SRGAP2: variants seen among roughly 807,000 people sequenced by gnomAD.
SRGAP2 encodes SLIT-ROBO Rho GTPase-activating protein 2.
SRGAP2 carries 15 observed loss-of-function variants against 57.2 expected under a neutral mutation model. The observed-to-expected ratio is 0.26, with a 90% confidence interval of 0.18 to 0.40. SRGAP2 has a LOEUF of 0.40. SRGAP2 is among the 10% of genes least tolerant of loss of function. SRGAP2 has a pLI of 1.00. For missense variants in SRGAP2, 520 were observed against 669.6 expected, an observed-to-expected ratio of 0.78 and a Z score of 2.47; for synonymous variants, 249 against 248.0, an observed-to-expected ratio of 1.00 and a Z score of -0.04.
intron 3 of SRGAP2, among the ~76,000 whole-genome samples, chr1:206,318,915 G>C (rs546964901): frequency 4.0e-5 from 6 of 151,756 alleles, no homozygotes; most frequent in African/African-American, 9.7e-5. Flanking sequence ...ATGAGATTTG[G>C]GGGGGGACAG....
At chr1:206,341,983 G>A (rs1553335318) in intron 3 of SRGAP2, among the ~76,000 whole-genome samples, 1 of 152,080 alleles carries the variant, frequency 6.6e-6, no homozygotes, top group African/African-American at 2.4e-5. Context: ...GGGTGACAGA[G>A]TGAGACTTTG....
chr1:206,445,867 C>T (rs1662709743), intron 17 of SRGAP2, among the ~76,000 whole-genome samples: 2 of 152,190 alleles, frequency 1.3e-5, no homozygotes, highest in African/African-American at 4.8e-5. Flanking sequence ...GCAAGTACCT[C>T]TAGTTTGCAT....
intron 13 of SRGAP2, among the ~76,000 whole-genome samples, chr1:206,424,426 G>A (rs1195163518): frequency 1.3e-5 from 2 of 152,120 alleles, no homozygotes; most frequent in African/African-American, 4.8e-5. Context: ...AGGCCCAGAT[G>A]GGCGGATCAC....
At chr1:206,224,631 C>T (rs1416692946) in intron 2 of SRGAP2, among the ~76,000 whole-genome samples, 2 of 119,412 alleles carry the variant, frequency 1.7e-5, no homozygotes, top group African/African-American at 3.4e-5. Context: ...GTTCCCACAG[C>T]CCCCACCGTG....
At chr1:206,393,010 G>C (rs1244562366) in intron 6 of SRGAP2, 106 bp downstream of exon 6, 2 of 714,680 alleles carry the variant, frequency 2.8e-6, no homozygotes, top group Admixed American at 4.0e-5. Flanking sequence ...AGGAAGCTCT[G>C]GGTTCTTTTA....
intron 2 of SRGAP2, among the ~76,000 whole-genome samples, chr1:206,255,908 T>A (rs1669154393): frequency 6.7e-6 from 1 of 150,332 alleles, no homozygotes; most frequent in South Asian, 2.2e-4. Flanking sequence ...TAATCCCGGA[T>A]CTAGCTGTGC....
At chr1:206,326,568 A>G (rs1488397465) in intron 3 of SRGAP2, among the ~76,000 whole-genome samples, 79 of 150,990 alleles carry the variant, frequency 5.2e-4, no homozygotes, top group African/African-American at 1.8e-3. Context: ...CACCACAATG[A>G]AATAAGAAAA....
intron 11 of SRGAP2, among the ~76,000 whole-genome samples, chr1:206,418,912 G>C (rs1420284279): frequency 2.0e-5 from 3 of 151,642 alleles, no homozygotes; most frequent in South Asian, 2.1e-4. Context: ...GTGTGTGTGT[G>C]TGTGTGTGTG....
At chr1:206,213,662 G>A (rs1329515742) in intron 2 of SRGAP2, among the ~76,000 whole-genome samples, 1 of 152,106 alleles carries the variant, frequency 6.6e-6, no homozygotes, top group East Asian at 1.9e-4. Context: ...GCTTACATCT[G>A]TAATCCCAGC....
At chr1:206,455,965 A>T (rs1198206258) in intron 21 of SRGAP2, 1 of 152,308 alleles carries the variant, frequency 6.6e-6, no homozygotes, top group Admixed American at 6.5e-5. Flanking sequence ...CCAGGCCCTG[A>T]AACCTGGCCC....
chr1:206,356,957 A>G (rs1676487089), intron 4 of SRGAP2, among the ~76,000 whole-genome samples: 1 of 140,672 alleles, frequency 7.1e-6, no homozygotes, highest in Non-Finnish European at 1.5e-5. Context: ...TTCTCCCAGC[A>G]TTTACTCAAT....
intron 11 of SRGAP2, among the ~76,000 whole-genome samples, chr1:206,417,584 A>T (rs576431075): frequency 1.3e-5 from 2 of 148,432 alleles, no homozygotes; most frequent in Non-Finnish European, 3.0e-5. Flanking sequence ...TGCCTGGCTA[A>T]TTTTTTTGTA....
At chr1:206,413,864 G>C (rs985885460) in intron 10 of SRGAP2, among the ~76,000 whole-genome samples, 24 of 152,086 alleles carry the variant, frequency 1.6e-4, no homozygotes, top group Non-Finnish European at 1.0e-4. Context: ...GGACCATCTG[G>C]GTGAACATGG....
rs1237811129 is a variant in SRGAP2 at position 206,290,641 on chromosome 1, CAAAAAAAA to C, written c.68-12624_68-12617del. On this transcript the variant is annotated intron_variant, in intron 2 of 22. Coordinates refer to ENST00000573034, the MANE Select transcript of SRGAP2 (RefSeq NM_015326.5). Reference sequence around the variant, plus strand: ...TGGGCAACAGAGCGAGACTCCATCTCAAAAAAAAAAAAAAAAAAAAAAAGAAGAAGAAA... The same window carrying C: ...TGGGCAACAGAGCGAGACTCCATCTCAAAAAAAAAAAAAAAGAAGAAGAAA... 6.4e-4 allele frequency among the ~76,000 whole-genome samples: 29 copies of C among 45,190 alleles called. 1 individual carries two copies. Among genetic ancestry groups the C allele is most frequent in the Admixed American group, 2.2e-3 (9 of 4,084 alleles). The allele number at this position is 45,190 out of a possible 152,430, so 29.6% of individuals were successfully genotyped here.
chr1:206,318,863 C>T (rs1481692192), intron 3 of SRGAP2, among the ~76,000 whole-genome samples: 5 of 151,560 alleles, frequency 3.3e-5, no homozygotes, highest in Non-Finnish European at 5.9e-5. Flanking sequence ...CCAGTCACTT[C>T]CCACCAGGCC....
chr1:206,252,015 T>TA (rs1172034770), intron 2 of SRGAP2, among the ~76,000 whole-genome samples: 12 of 92,440 alleles, frequency 1.3e-4, no homozygotes, highest in African/African-American at 4.1e-4. Context: ...CTTATATATA[T>TA]TTTTTAATTG....
intron 21 of SRGAP2, 51 bp downstream of exon 21, chr1:206,455,075 G>A (rs368295802): frequency 2.6e-6 from 2 of 779,088 alleles, no homozygotes; most frequent in Non-Finnish European, 4.8e-6. Flanking sequence ...GCAACACCCA[G>A]CCTCACCCTC....
intron 13 of SRGAP2, among the ~76,000 whole-genome samples, chr1:206,425,745 G>C (rs1286358159): frequency 6.6e-6 from 1 of 151,878 alleles, no homozygotes; most frequent in Non-Finnish European, 1.5e-5. Context: ...ATGTTGGCCA[G>C]GCTGGTCTCG....
chr1:206,456,214 G>A (rs113453815), intron 21 of SRGAP2: 55 of 152,198 alleles, frequency 3.6e-4, no homozygotes, highest in African/African-American at 1.2e-3. Context: ...AGCAGGGGGA[G>A]TGGTTGGGGC....
Sources: allele counts gnomAD v4.1 joint callset (sites outside exome capture counted in the v4.1 genomes callset), GRCh38; gene constraint gnomAD v4.1.1; transcripts MANE v1.5; gene names NCBI Gene and HGNC (gene_info 2026-07-23, HGNC 2026-07-21).